F13A1: variants seen among roughly 807,000 people sequenced by gnomAD.
F13A1 encodes the protein FSF, A subunit.
Under a neutral mutation model 80.1 loss-of-function variants are expected in F13A1, and 47 were observed. That is an observed-to-expected ratio of 0.59 (90% CI 0.46 to 0.75). F13A1 has a LOEUF of 0.75. F13A1 is among the 30% of genes least tolerant of loss of function. F13A1 has a pLI of 0.00. For synonymous variants in F13A1, 349 were observed against 344.9 expected (o/e 1.01, Z -0.13); for missense variants, 817 against 930.4 (o/e 0.88, Z 1.59).
chr6:6,253,330 CCT>C (rs1291189900), intron 4 of F13A1, among the ~76,000 whole-genome samples: 1 of 152,136 alleles, frequency 6.6e-6, no homozygotes, highest in Non-Finnish European at 1.5e-5. Flanking sequence ...TGTGGAATAT[CCT>C]CTCTTAACTT....
At chr6:6,280,985 G>A (rs1202736873) in intron 3 of F13A1, among the ~76,000 whole-genome samples, 2 of 152,126 alleles carry the variant, frequency 1.3e-5, no homozygotes, top group African/African-American at 4.8e-5. Flanking sequence ...AGTGGCTGGA[G>A]AATCCTCACT....
In F13A1 at chr6:6,162,939, T is replaced by C. The variant is rs1055672023; in HGVS notation, c.1908+4519A>G. Reference sequence around the variant, plus strand: ...CCTCTCAGTTTTCTAATCAGTAAAATAGGGTTATAGTAACGTCCTCCTTGT... The same window carrying C: ...CCTCTCAGTTTTCTAATCAGTAAAACAGGGTTATAGTAACGTCCTCCTTGT... On this transcript the variant is annotated intron_variant, in intron 13 of 14. Transcript: ENST00000264870. The surrounding 1 kb of genome is among the most constrained non-coding windows in gnomAD (Gnocchi z 4.2). Among the ~76,000 whole-genome samples, 5 of 152,202 alleles carry C rather than the reference T, an allele frequency of 3.3e-5. No homozygotes were observed. Among genetic ancestry groups the C allele is most frequent in the African/African-American group, 9.7e-5 (4 of 41,450 alleles).
chr6:6,196,613 AAACAT>A (rs780879300), intron 9 of F13A1, among the ~76,000 whole-genome samples: 6 of 152,222 alleles, frequency 3.9e-5, no homozygotes, highest in African/African-American at 9.6e-5. Context: ...CTGAGGAAAT[AAACAT>A]AATATCCACA....
chr6:6,250,864 T>C lies in F13A1; in HGVS notation c.637A>G (p.Ile213Val), dbSNP rs771091417. 5.0e-6 allele frequency: 8 copies of C among 1,613,620 alleles called. No homozygotes were observed. The South Asian group carries it at 8.8e-5, about 18-fold the overall frequency. ...ATGTCATTGACCTCTCCATAAAAAA[T>C]TACCCCGATGTCATTCAGGACATAC... ...EEYVLNDIGV[I>V]FYGEVNDIKT... The change falls in exon 5 of 15, where the codon ATT (isoleucine) becomes GTT (valine). Residue 213 changes from isoleucine to valine, a missense_variant. Transcript: ENST00000264870. This position sits in a 1 kb window ranked among gnomAD's most constrained non-coding sequence, Gnocchi z 4.2.
rs373316750 is a variant in F13A1, at chr6:6,243,141, T to TCACCAC, written c.798+5165_798+5170dup. 6.6e-6 allele frequency among the ~76,000 whole-genome samples: 1 copy of TCACCAC among 150,728 alleles called. No individual in the cohort carries two copies. On this transcript the variant is annotated intron_variant, in intron 6 of 14. Coordinates refer to ENST00000264870, the MANE Select transcript of F13A1 (RefSeq NM_000129.4). This position sits in a 1 kb window ranked among gnomAD's most constrained non-coding sequence, Gnocchi z 4.2. ...CTACCACTATCACCACCATCATAAA[T>TCACCAC]CACCACCACCACCACATTACGCCAT...
chr6:6,313,675 G>GGATT (rs3024344), intron 2 of F13A1, among the ~76,000 whole-genome samples: 1 of 151,540 alleles, frequency 6.6e-6, no homozygotes, highest in Non-Finnish European at 1.5e-5. Flanking sequence ...ATGAGAAACT[G>GGATT]ATTTATTTAA....
At chr6:6,178,053 GGGGT>G (rs1760915129) in intron 11 of F13A1, among the ~76,000 whole-genome samples, 9 of 133,936 alleles carry the variant, frequency 6.7e-5, no homozygotes, top group African/African-American at 2.5e-4. Context: ...GAGGGGGGGG[GGGGT>G]GGGGCTTTTA....
At chr6:6,147,756 A>G (rs1304378668) in intron 14 of F13A1, among the ~76,000 whole-genome samples, 2 of 152,244 alleles carry the variant, frequency 1.3e-5, no homozygotes, top group East Asian at 3.8e-4. Context: ...AATGATGTGT[A>G]CATACGAAAA....
chr6:6,148,573 T>C (rs1760323842), intron 14 of F13A1, among the ~76,000 whole-genome samples: 2 of 152,356 alleles, frequency 1.3e-5, no homozygotes, highest in South Asian at 4.2e-4. Context: ...TACATGGATC[T>C]GGCGCTCCTA....
At chr6:6,289,126 G>T (rs1299089218) in intron 3 of F13A1, among the ~76,000 whole-genome samples, 1 of 152,094 alleles carries the variant, frequency 6.6e-6, no homozygotes, top group African/African-American at 2.4e-5. Flanking sequence ...CCCATAAATG[G>T]CTGTTTAAAA....
chr6:6,270,734 A>T (rs1365950699), intron 3 of F13A1, among the ~76,000 whole-genome samples: 3 of 152,192 alleles, frequency 2.0e-5, no homozygotes, highest in Non-Finnish European at 4.4e-5. Context: ...AGAATGGCAA[A>T]AGGGATCTAG....
chr6:6,222,149 T>C lies in F13A1; in HGVS notation c.996A>G (p.Pro332=). The C allele has an allele frequency of 6.2e-7, 1 of 1,613,928 alleles. No homozygotes were observed. The highest frequency in any genetic ancestry group is 8.5e-7 in the Non-Finnish European group (1 of 1,179,856). ...AGAAATAATTGGTAACAATTCTTGC[T>C]GGTATTCCAAGGCATCGTAAAACTA... The part of the protein sequence containing the change: ...FNTFLRCLGI[P]ARIVTNYFSA... Residue 332 remains proline (P), a synonymous_variant, in exon 8 of 15, where the codon CCA becomes CCG. Transcript: ENST00000264870.
chr6:6,250,778 G>A lies in F13A1; in HGVS notation c.690+33C>T. 2.1e-6 allele frequency: 3 copies of A among 1,398,616 alleles called. No homozygotes were observed. The highest frequency in any genetic ancestry group is 4.6e-5 in the East Asian group (2 of 43,864). 86.6% of individuals were successfully genotyped at this position (1,398,616 alleles called of 1,614,324 possible). Reference sequence around the variant, plus strand: ...GTGACAAAAAATATGAAGTAAAAATGTCCTTGACAATAACAAATTTTAAGT... The same window carrying A: ...GTGACAAAAAATATGAAGTAAAAATATCCTTGACAATAACAAATTTTAAGT... On this transcript the variant is annotated intron_variant, in intron 5 of 14. Transcript: ENST00000264870. The surrounding 1 kb of genome is among the most constrained non-coding windows in gnomAD (Gnocchi z 4.2).
intron 6 of F13A1, among the ~76,000 whole-genome samples, chr6:6,230,805 G>A (rs1376159284): frequency 1.3e-5 from 2 of 152,158 alleles, no homozygotes; most frequent in African/African-American, 4.8e-5. Context: ...TCCAGAGCTG[G>A]GTAGACTTGC....
chr6:6,282,617 G>A (rs1223315843), intron 3 of F13A1, among the ~76,000 whole-genome samples: 5 of 152,160 alleles, frequency 3.3e-5, no homozygotes, highest in South Asian at 2.1e-4. Flanking sequence ...AGACACCTTC[G>A]GAAATGACCG....
chr6:6,316,296 TATA>T (rs1758685859), intron 2 of F13A1, among the ~76,000 whole-genome samples: 1 of 151,170 alleles, frequency 6.6e-6, no homozygotes. Flanking sequence ...AATAATAAAT[TATA>T]ATGCCACTAG....
intron 10 of F13A1, among the ~76,000 whole-genome samples, chr6:6,187,377 T>C (rs1761097600): frequency 1.6e-5 from 1 of 61,462 alleles, no homozygotes; most frequent in Non-Finnish European, 2.9e-5. Context: ...ATAGCTCTTA[T>C]TATTTTGAAA....
chr6:6,199,421 C>T (rs62408025), intron 8 of F13A1, among the ~76,000 whole-genome samples: 7 of 151,466 alleles, frequency 4.6e-5, no homozygotes, highest in Admixed American at 3.3e-4. Context: ...ACCCGGGAGG[C>T]GGAGCTTGCA....
chr6:6,196,222 GTGTGCTC>G (rs1761288504), intron 9 of F13A1, among the ~76,000 whole-genome samples: 1 of 152,246 alleles, frequency 6.6e-6, no homozygotes, highest in South Asian at 2.1e-4. Context: ...AAATGTTGAT[GTGTGCTC>G]TGTGGTTGTG....
Sources: allele counts gnomAD v4.1 joint callset (sites outside exome capture counted in the v4.1 genomes callset), GRCh38; gene constraint gnomAD v4.1.1; non-coding constraint Gnocchi (gnomAD v3.1); transcripts MANE v1.5; gene names NCBI Gene and HGNC (gene_info 2026-07-23, HGNC 2026-07-21).